The following ADGRB2 variants were observed in gnomAD, a reference collection of about 807,000 sequenced individuals.
ADGRB2 encodes brain-specific angiogenesis inhibitor 2.
A neutral mutation model predicts 178.7 loss-of-function variants in ADGRB2; 47 were observed. That is an observed-to-expected ratio of 0.26 (90% CI 0.21 to 0.34). ADGRB2 has a LOEUF of 0.34. Among genes scored for constraint, ADGRB2 ranks in the 10% least tolerant of loss-of-function variants. The pLI is 1.00. For missense variants in ADGRB2, 1,584 were observed against 2,180.8 expected (o/e 0.73, Z 5.45); for synonymous variants, 870 against 912.4 (o/e 0.95, Z 0.84).
At position 31,759,382 on chromosome 1, in the gene ADGRB2, C is replaced by A. The variant is rs765068964; in HGVS notation, c.-190-1871G>T. The A allele has an allele frequency of 1.2e-5, 9 of 779,494 alleles. No individual in the cohort carries two copies. The highest frequency in any genetic ancestry group is 1.9e-5 in the Non-Finnish European group (8 of 417,906). The allele number at this position is 779,494 out of a possible 1,614,324, so 48.3% of individuals were successfully genotyped here. A position where few individuals can be genotyped will look rare whatever the true frequency, so the allele number is the denominator to read the frequency against. Reference sequence around the variant, plus strand: ...GCTAAGTGTCAGGCAGGATCCTCTGCGGGGTCTTCCTTTGCATGTCTGAAG... The same window carrying A: ...GCTAAGTGTCAGGCAGGATCCTCTGAGGGGTCTTCCTTTGCATGTCTGAAG... On this transcript the variant is annotated intron_variant, in intron 1 of 32. Transcript: ENST00000373658. This position sits in a 1 kb window ranked among gnomAD's most constrained non-coding sequence, Gnocchi z 4.3.
rs532775222 is a variant in ADGRB2 at position 31,728,139 on chromosome 1, C to T, written c.4515+43G>A. 1 of 1,613,746 alleles carries T rather than the reference C, an allele frequency of 6.2e-7. No homozygotes were observed. The highest frequency in any genetic ancestry group is 1.3e-5 in the African/African-American group (1 of 75,064). On this transcript the variant is annotated intron_variant, in intron 31 of 32. Transcript: ENST00000373658. This position sits in a 1 kb window ranked among gnomAD's most constrained non-coding sequence, Gnocchi z 6.7. Reference sequence around the variant, plus strand: ...CCAGGGGCCACTGCACCAGGTCAGGCCCTGAGCTTCAGGGCAGGGGCAGCC... The same window carrying T: ...CCAGGGGCCACTGCACCAGGTCAGGTCCTGAGCTTCAGGGCAGGGGCAGCC...
chr1:31,741,366 C>T lies in ADGRB2; in HGVS notation c.1794+7G>A. The stretch of plus-strand genomic sequence containing the variant: ...TGCTGTGCCCCAGCCCAGCAGGGTG[C>T]ACTCACTGACAGATACAGGTAGCGG... On this transcript the variant is annotated splice_region_variant and intron_variant, in intron 11 of 32. Transcript: ENST00000373658. This position sits in a 1 kb window ranked among gnomAD's most constrained non-coding sequence, Gnocchi z 6.5. 5 of 1,594,078 alleles carry T rather than the reference C, an allele frequency of 3.1e-6. No individual in the cohort carries two copies. The highest frequency in any genetic ancestry group is 4.3e-6 in the Non-Finnish European group (5 of 1,170,062).
intron 28 of ADGRB2, 38 bp from the exon 29 acceptor site, chr1:31,731,457 G>A (rs1464856351): frequency 6.5e-6 from 10 of 1,535,844 alleles, no homozygotes; most frequent in Non-Finnish European, 8.8e-6. Context: ...TGAGTCCTGA[G>A]GAGAAGGAAC....
intron 15 of ADGRB2, 69 bp downstream of exon 15, chr1:31,739,239 A>G (rs1163279689): frequency 2.1e-6 from 3 of 1,397,476 alleles, no homozygotes. Context: ...GCACTGGCTC[A>G]GTCCTCCTTC....
chr1:31,739,273 C>T, intron 15 of ADGRB2, 35 bp downstream of exon 15: 1 of 1,442,632 alleles, frequency 6.9e-7, no homozygotes, highest in Non-Finnish European at 9.1e-7. Context: ...TTCCTGGACC[C>T]TCAGCAGCCC....
In ADGRB2 at chr1:31,732,629, C is replaced by A. The variant is rs758599257; in HGVS notation, c.3625-17G>T. ...ATCCTGGACCTGGGGACAGAGGGCG[C>A]CTGCTGGGCCTGAGGCCACTGCAGG... On this transcript the variant is annotated splice_polypyrimidine_tract_variant and intron_variant, in intron 26 of 32. Transcript: ENST00000373658. 6.2e-7 allele frequency: 1 copy of A among 1,612,264 alleles called. No homozygotes were observed. Among genetic ancestry groups the A allele is most frequent in the Non-Finnish European group, 8.5e-7 (1 of 1,179,236 alleles).
chr1:31,741,571 G>A lies in ADGRB2; in HGVS notation c.1687+53C>T. ...CAGAGAGGCTGGGGGCGCAGAAGGG[G>A]GCAATGAGAATGGCAGGGGTGGTGG... is the stretch of plus-strand genomic sequence containing the variant. On this transcript the variant is annotated intron_variant, in intron 10 of 32. Transcript: ENST00000373658. The surrounding 1 kb of genome is among the most constrained non-coding windows in gnomAD (Gnocchi z 6.5). 6.2e-7 allele frequency: 1 copy of A among 1,604,044 alleles called. No individual in the cohort carries two copies. Among genetic ancestry groups the A allele is most frequent in the Non-Finnish European group, 8.5e-7 (1 of 1,172,808 alleles).
Position 31,731,071 on chromosome 1 carries a change from C to G in ADGRB2, c.4109G>C (p.Gly1370Ala). Residue 1370 changes from glycine to alanine, a missense_variant, in exon 29 of 33, where the codon GGT becomes GCT. By Grantham distance (60) the Gly-to-Ala change is moderately conservative (BLOSUM62 0). Around this residue, in one of 3 missense-constraint regions of ADGRB2, gnomAD observed 865 missense variants for 1,192.8 expected, o/e 0.73. Transcript: ENST00000373658. ...CGGCCGGGCCCTGGGGGCATCCTCA[C>G]CACCTCCACCCCCACCGCCAGGCTG... is the stretch of plus-strand genomic sequence containing the variant. ...SLQPGGGGGG[G>A]EDAPRARPEG... is the part of the protein sequence containing the mutation. 2 of 1,576,162 alleles carry G rather than the reference C, an allele frequency of 1.3e-6. No homozygotes were observed. The highest frequency in any genetic ancestry group is 1.7e-6 in the Non-Finnish European group (2 of 1,160,864).
intron 4 of ADGRB2, among the ~76,000 whole-genome samples, chr1:31,751,243 T>TC (rs1435574484): frequency 6.6e-6 from 1 of 152,146 alleles, no homozygotes; most frequent in Non-Finnish European, 1.5e-5. Context: ...CCTGAGAGCT[T>TC]CCCCAAAGCA....
At chr1:31,738,684 A>G in intron 16 of ADGRB2, 54 bp from the exon 17 acceptor site, 2 of 1,605,428 alleles carry the variant, frequency 1.2e-6, no homozygotes, top group Non-Finnish European at 1.7e-6. Flanking sequence ...ACCACACCCC[A>G]CCACTGCCCA....
At chr1:31,745,821 C>T (rs371871871) in intron 4 of ADGRB2, among the ~76,000 whole-genome samples, 251 of 152,326 alleles carry the variant, frequency 1.6e-3, no homozygotes, top group African/African-American at 5.8e-3. Flanking sequence ...CTGCCCAGCC[C>T]GGGCTCTGCA....
At chr1:31,743,302 C>G (rs1646087160) in intron 6 of ADGRB2, among the ~76,000 whole-genome samples, 1 of 152,042 alleles carries the variant, frequency 6.6e-6, no homozygotes, top group Non-Finnish European at 1.5e-5. Context: ...CCTGAGGGCA[C>G]AGGAAAATTC....
Position 31,741,379 on chromosome 1 carries a change from A to G in ADGRB2, c.1788T>C (p.Tyr596=), listed in dbSNP as rs763510091. Residue 596 remains tyrosine, a synonymous_variant, in exon 11 of 33, where the codon TAT becomes TAC. Transcript: ENST00000373658. The surrounding 1 kb of genome is among the most constrained non-coding windows in gnomAD (Gnocchi z 6.5). ...CCCAGCAGGGTGCACTCACTGACAG[A>G]TACAGGTAGCGGTACTCATGGGAGA... ...RCISHEYRYL[Y]LSLREHLAKG... 1.1e-5 allele frequency: 18 copies of G among 1,600,976 alleles called. No homozygotes were observed. Among genetic ancestry groups the G allele is most frequent in the Non-Finnish European group, 1.5e-5 (18 of 1,174,066 alleles).
In ADGRB2 at chr1:31,741,736, A is replaced by G. The variant is rs746250593; in HGVS notation, c.1586-11T>C. ...ACATCTCATGGAAGGCTGTGGGTGCAGGGGTAAGGTTCAGCTGGGTCCACA... is the reference window on the plus strand; with the variant it reads ...ACATCTCATGGAAGGCTGTGGGTGCGGGGGTAAGGTTCAGCTGGGTCCACA... On this transcript the variant is annotated splice_polypyrimidine_tract_variant and intron_variant, in intron 9 of 32. Coordinates refer to ENST00000373658, the MANE Select transcript of ADGRB2 (RefSeq NM_001364857.2). The surrounding 1 kb of genome is among the most constrained non-coding windows in gnomAD (Gnocchi z 6.5). 1.4e-5 allele frequency: 23 copies of G among 1,610,842 alleles called. 1 individual carries two copies. In the South Asian group the frequency reaches 1.8e-4, roughly 12 times the overall value.
At position 31,731,210 on chromosome 1, in the gene ADGRB2, C is replaced by G. The variant is rs1336736334; in HGVS notation, c.3970G>C (p.Val1324Leu). ...AGGCCACCCTCCCCACACATGTAAA[C>G]AGGGTTGGCCTCCTGTGGGGGCGGA... ...EPPPPQEANP[V>L]YMCGEGGLRQ... The change falls in exon 29 of 33, where the codon GTT (valine) becomes CTT (leucine). Residue 1324 changes from valine (V) to leucine (L), a missense_variant. This residue lies in a region of ADGRB2 where 865 missense variants were observed against 1,192.8 expected (regional missense o/e 0.73). Coordinates refer to ENST00000373658, the MANE Select transcript of ADGRB2 (RefSeq NM_001364857.2). 6.2e-7 allele frequency: 1 copy of G among 1,602,174 alleles called. No individual in the cohort carries two copies.
At chr1:31,742,019 G>A (rs1312405793) in intron 8 of ADGRB2, 34 bp downstream of exon 8, 1 of 1,589,592 alleles carries the variant, frequency 6.3e-7, no homozygotes, top group South Asian at 1.1e-5. Context: ...CATGGTCAGA[G>A]CTGCAACTTG....
intron 4 of ADGRB2, among the ~76,000 whole-genome samples, chr1:31,749,906 T>C (rs1048880077): frequency 1.4e-5 from 2 of 147,442 alleles, no homozygotes; most frequent in African/African-American, 2.5e-5. Flanking sequence ...GACAGAGGAG[T>C]CCCTGTTTCA....
Position 31,744,503 on chromosome 1 carries a change from AC to A in ADGRB2, c.922+144del. The stretch of plus-strand genomic sequence containing the variant: ...CAAGTAACAGGCTCTTCAGGAGGCC[AC>A]CCAGCCCTTCCCACAAGCTTCATGT... On this transcript the variant is annotated intron_variant, in intron 5 of 32. Coordinates refer to ENST00000373658, the MANE Select transcript of ADGRB2 (RefSeq NM_001364857.2). The surrounding 1 kb of genome is among the most constrained non-coding windows in gnomAD (Gnocchi z 6.7). 1 of 1,438,420 alleles carries A rather than the reference AC, an allele frequency of 7.0e-7. No individual in the cohort carries two copies. The highest frequency in any genetic ancestry group is 9.5e-7 in the Non-Finnish European group (1 of 1,054,966). 89.1% of individuals were successfully genotyped at this position (1,438,420 alleles called of 1,614,324 possible). A position where few individuals can be genotyped will look rare whatever the true frequency, so the allele number is the denominator to read the frequency against.
At position 31,753,781 on chromosome 1, in the gene ADGRB2, C is replaced by T. The variant is rs995125683; in HGVS notation, c.838+2218G>A. Reference sequence around the variant, plus strand: ...CATGTGGAACAAACAGTCATGTGCCCGCTATGTCTCACACCAGAAAGGTTG... The same window carrying T: ...CATGTGGAACAAACAGTCATGTGCCTGCTATGTCTCACACCAGAAAGGTTG... On this transcript the variant is annotated intron_variant, in intron 4 of 32. Transcript: ENST00000373658. The surrounding 1 kb of genome is among the most constrained non-coding windows in gnomAD (Gnocchi z 4.1). Among the ~76,000 whole-genome samples, 3 of 152,202 alleles carry T rather than the reference C, an allele frequency of 2.0e-5. No individual in the cohort carries two copies. The highest frequency in any genetic ancestry group is 4.8e-5 in the African/African-American group (2 of 41,444).
Sources: allele counts gnomAD v4.1 joint callset (sites outside exome capture counted in the v4.1 genomes callset), GRCh38; gene constraint gnomAD v4.1.1; regional missense constraint gnomAD v4.1.1; non-coding constraint Gnocchi (gnomAD v3.1); transcripts MANE v1.5; gene names NCBI Gene and HGNC (gene_info 2026-07-23, HGNC 2026-07-21).